MGA: variants seen among roughly 807,000 people sequenced by gnomAD.
The protein encoded by MGA is MAX dimerization protein MGA, also known as MAX gene-associated protein.
Under a neutral mutation model 261.1 loss-of-function variants are expected in MGA, and 40 were observed. The ratio of observed to expected loss-of-function variants is 0.15; its 90% CI spans 0.12 to 0.20. The LOEUF (loss-of-function observed/expected upper bound fraction) is 0.20. Ranked by LOEUF, MGA falls within the 10% of genes least tolerant of loss-of-function variation. The probability of loss-of-function intolerance (pLI) is 1.00; values close to 1 mark genes in which losing one functional copy is unlikely to be tolerated. For synonymous variants in MGA, 1,302 were observed against 1,290.6 expected (o/e 1.01, Z -0.19); for missense variants, 3,397 against 3,630.5 (o/e 0.94, Z 1.65).
At chr15:41,733,597 C>G (rs2061622092) in intron 11 of MGA, among the ~76,000 whole-genome samples, 1 of 152,138 alleles carries the variant, frequency 6.6e-6, no homozygotes, top group African/African-American at 2.4e-5. Context: ...TTCTTTTAAA[C>G]AGCAATTTGT....
At position 41,768,678 on chromosome 15, in the gene MGA, A is replaced by G. The variant is rs573668252; in HGVS notation, c.*1398A>G. 2 of 152,742 alleles carry G rather than the reference A, an allele frequency of 1.3e-5. No individual in the cohort carries two copies. Among genetic ancestry groups the G allele is most frequent in the African/African-American group, 4.8e-5 (2 of 41,564 alleles). 9.5% of individuals were successfully genotyped at this position (152,742 alleles called of 1,614,324 possible). A position where few individuals can be genotyped will look rare whatever the true frequency, so the allele number is the denominator to read the frequency against. The stretch of plus-strand genomic sequence containing the variant: ...GATTTGCTTGTGTTGTTAAAACACT[A>G]ACACAAGAGCTTCCAGTGCCTGGGC... On this transcript the variant is annotated 3_prime_UTR_variant, in exon 24 of 24. Transcript: ENST00000219905.
chr15:41,674,306 C>T (rs922581416), intron 2 of MGA, among the ~76,000 whole-genome samples: 1 of 152,084 alleles, frequency 6.6e-6, no homozygotes, highest in African/African-American at 2.4e-5. Flanking sequence ...AGCAATTTTC[C>T]TGCCTCAGCC....
At chr15:41,637,749 A>G (rs924951332) in intron 1 of MGA, among the ~76,000 whole-genome samples, 1 of 146,656 alleles carries the variant, frequency 6.8e-6, no homozygotes, top group African/African-American at 2.5e-5. Context: ...ATGGGTTACA[A>G]TTTTTTTTTT....
At chr15:41,735,508 C>T (rs1454608137) in intron 12 of MGA, among the ~76,000 whole-genome samples, 6 of 152,190 alleles carry the variant, frequency 3.9e-5, no homozygotes, top group Admixed American at 1.3e-4. Context: ...GAGGCCGAGG[C>T]GGGTGGATCA....
At chr15:41,630,915 T>C (rs2056574705) in intron 1 of MGA, among the ~76,000 whole-genome samples, 1 of 152,146 alleles carries the variant, frequency 6.6e-6, no homozygotes, top group African/African-American at 2.4e-5. Flanking sequence ...GTGTGAAGAT[T>C]TTTCAGCCTG....
chr15:41,739,138 A>G (rs2061952781), intron 13 of MGA, among the ~76,000 whole-genome samples: 1 of 151,992 alleles, frequency 6.6e-6, no homozygotes, highest in African/African-American at 2.4e-5. Context: ...TAAAAAAAAA[A>G]GAAAAGAAAT....
intron 1 of MGA, among the ~76,000 whole-genome samples, chr15:41,633,354 A>AT (rs60602781): frequency 6.0e-4 from 68 of 112,558 alleles, no homozygotes; most frequent in African/African-American, 1.6e-3. Flanking sequence ...CTCCTATGGT[A>AT]TTTTTTTTTT....
intron 1 of MGA, among the ~76,000 whole-genome samples, chr15:41,629,339 G>A (rs1333132436): frequency 6.6e-6 from 1 of 152,074 alleles, no homozygotes; most frequent in African/African-American, 2.4e-5. Flanking sequence ...TACAGAGATG[G>A]GAAACAGGAA....
chr15:41,664,625 C>A (rs112511078), intron 1 of MGA, among the ~76,000 whole-genome samples: 380 of 152,164 alleles, frequency 2.5e-3, no homozygotes, highest in Non-Finnish European at 4.0e-3. Context: ...CACATACACA[C>A]AAAGGATGTT....
intron 19 of MGA, 187 bp from the exon 20 acceptor site, chr15:41,760,136 C>G (rs1396511655): frequency 3.4e-6 from 2 of 589,726 alleles, no homozygotes; most frequent in African/African-American, 3.7e-5. Flanking sequence ...AGAAATTACA[C>G]TGTTGGCATT....
At chr15:41,673,540 CTT>C (rs777334913) in intron 2 of MGA, among the ~76,000 whole-genome samples, 5 of 118,920 alleles carry the variant, frequency 4.2e-5, no homozygotes, top group Admixed American at 9.9e-5. Context: ...TTCTTTCTTT[CTT>C]TTTTTTTTTT....
intron 2 of MGA, among the ~76,000 whole-genome samples, chr15:41,681,454 A>G (rs2058674992): frequency 6.8e-6 from 1 of 146,674 alleles, no homozygotes; most frequent in Admixed American, 6.8e-5. Context: ...TGGTCAACTA[A>G]TTTTTCTTTC....
At chr15:41,632,740 GTGCCTCCTACC>G (rs1400632690) in intron 1 of MGA, among the ~76,000 whole-genome samples, 1 of 151,172 alleles carries the variant, frequency 6.6e-6, no homozygotes, top group Non-Finnish European at 1.5e-5. Flanking sequence ...TCAAAAGCTG[GTGCCTCCTACC>G]TGTAGGAGGT....
intron 2 of MGA, among the ~76,000 whole-genome samples, chr15:41,679,742 G>GT (rs911739240): frequency 4.6e-5 from 7 of 151,058 alleles, no homozygotes; most frequent in East Asian, 1.9e-4. Context: ...GACTGAGTGC[G>GT]TTTTTTTTGT....
intron 5 of MGA, among the ~76,000 whole-genome samples, chr15:41,705,066 A>G (rs941485988): frequency 1.3e-5 from 2 of 152,204 alleles, no homozygotes; most frequent in Non-Finnish European, 1.5e-5. Flanking sequence ...GTTTTTCACA[A>G]TATGCTTTCT....
intron 17 of MGA, chr15:41,751,383 T>C (rs79294018): frequency 6.6e-6 from 1 of 152,196 alleles, no homozygotes; most frequent in Non-Finnish European, 1.5e-5. Context: ...CTGTTGCGAC[T>C]AATTGACTGC....
At chr15:41,748,250 C>G (rs1567075303) in intron 15 of MGA, among the ~76,000 whole-genome samples, 1 of 137,716 alleles carries the variant, frequency 7.3e-6, no homozygotes, top group Non-Finnish European at 1.6e-5. Context: ...AACCCTGCCT[C>G]TTTAAAAAAA....
chr15:41,680,968 G>A (rs1219858078), intron 2 of MGA, among the ~76,000 whole-genome samples: 1 of 152,100 alleles, frequency 6.6e-6, no homozygotes, highest in Non-Finnish European at 1.5e-5. Context: ...ATCTATTTAG[G>A]GGGTCTACTA....
intron 2 of MGA, among the ~76,000 whole-genome samples, chr15:41,687,975 T>G (rs1315656438): frequency 6.6e-6 from 1 of 152,252 alleles, no homozygotes; most frequent in Non-Finnish European, 1.5e-5. Flanking sequence ...CTTCAAATAC[T>G]TTGAAGCTAA....
Sources: gnomAD v4.1 joint callset for allele counts (sites outside exome capture counted in the v4.1 genomes callset) on GRCh38, gnomAD v4.1.1 for gene constraint, MANE v1.5 for transcripts, NCBI Gene and HGNC (gene_info 2026-07-23, HGNC 2026-07-21) for gene names.